The following ZNF385B variants were observed in gnomAD, a reference collection of about 807,000 sequenced individuals.
ZNF385B encodes the protein zinc finger protein 385B.
A neutral mutation model predicts 39.2 loss-of-function variants in ZNF385B; 23 were observed. That is an observed-to-expected ratio of 0.59 (90% CI 0.42 to 0.83). ZNF385B has a LOEUF of 0.83. ZNF385B is among the 40% of genes least tolerant of loss of function. The probability of loss-of-function intolerance (pLI) is 0.00; values close to 1 mark genes in which losing one functional copy is unlikely to be tolerated. For missense variants in ZNF385B, 552 were observed against 598.9 expected, an observed-to-expected ratio of 0.92 and a Z score of 0.82; for synonymous variants, 205 against 222.6, an observed-to-expected ratio of 0.92 and a Z score of 0.70.
At chr2:179,611,022 C>G (rs34528783) in intron 3 of ZNF385B, among the ~76,000 whole-genome samples, 1 of 151,910 alleles carries the variant, frequency 6.6e-6, no homozygotes, top group Admixed American at 6.6e-5. Context: ...CCAATTTAGA[C>G]GCCCTTTCTT....
At chr2:179,594,575 C>T (rs990455435) in intron 3 of ZNF385B, among the ~76,000 whole-genome samples, 7 of 152,162 alleles carry the variant, frequency 4.6e-5, no homozygotes, top group African/African-American at 1.4e-4. Flanking sequence ...GCAAATGGCA[C>T]TTGGCCTAAG....
At chr2:179,700,724 T>C (rs1480199607) in intron 3 of ZNF385B, among the ~76,000 whole-genome samples, 1 of 152,156 alleles carries the variant, frequency 6.6e-6, no homozygotes, top group East Asian at 1.9e-4. Flanking sequence ...ATAAAGCTCA[T>C]TGGTATTGGC....
At chr2:179,582,434 T>C (rs561920241) in intron 3 of ZNF385B, among the ~76,000 whole-genome samples, 4 of 152,320 alleles carry the variant, frequency 2.6e-5, no homozygotes, top group African/African-American at 9.6e-5. Context: ...GGAGAGCTGC[T>C]AGTCAGGATG....
chr2:179,494,780 T>C (rs910838407), intron 5 of ZNF385B, among the ~76,000 whole-genome samples: 1 of 152,184 alleles, frequency 6.6e-6, no homozygotes, highest in Non-Finnish European at 1.5e-5. Context: ...TGTGTATTTT[T>C]TCTTTCTTTT....
chr2:179,766,030 TCA>T (rs71029829), intron 3 of ZNF385B, among the ~76,000 whole-genome samples: 15,871 of 140,800 alleles, frequency 0.11, 894 homozygotes, highest in Non-Finnish European at 0.14. Flanking sequence ...GGTACATTGA[TCA>T]CACACACACA....
chr2:179,676,414 T>C (rs528625161), intron 3 of ZNF385B, among the ~76,000 whole-genome samples: 85 of 151,010 alleles, frequency 5.6e-4, no homozygotes, highest in Admixed American at 1.3e-3. Flanking sequence ...TTAGTAGAGA[T>C]GGGGTTTCAC....
rs955118770 is a variant in ZNF385B, at chr2:179,670,476, C to G, written c.298+99027G>C. 3.5e-5 allele frequency among the ~76,000 whole-genome samples: 3 copies of G among 85,152 alleles called. No homozygotes were observed. In the East Asian group the frequency reaches 9.7e-4, roughly 27 times the overall value. 55.9% of individuals were successfully genotyped at this position (85,152 alleles called of 152,430 possible). The stretch of plus-strand genomic sequence containing the variant: ...CTCAAGAGCATGGATAGCAGTAGAA[C>G]GTAAAAACAAAAACAAACAAAAAAA... On this transcript the variant is annotated intron_variant, in intron 3 of 9. Transcript: ENST00000410066.
In ZNF385B at chr2:179,549,101, A is replaced by G. The variant is rs559886334; in HGVS notation, c.299-4132T>C. On this transcript the variant is annotated intron_variant, in intron 3 of 9. Transcript: ENST00000410066. ...TTGTGACTCACTTCTTTCATCTGAC[A>G]TAATGTTTTTGAGGTTTATCTATGT... is the stretch of plus-strand genomic sequence containing the variant. Among the ~76,000 whole-genome samples, 123 of 149,418 alleles carry G rather than the reference A, an allele frequency of 8.2e-4. 3 individuals are homozygous for G. The highest frequency in any genetic ancestry group is 1.6e-3 in the Non-Finnish European group (106 of 67,620).
intron 3 of ZNF385B, among the ~76,000 whole-genome samples, chr2:179,707,520 T>C (rs1251366072): frequency 6.6e-6 from 1 of 152,188 alleles, no homozygotes; most frequent in Non-Finnish European, 1.5e-5. Context: ...TGAAGCATGC[T>C]ATCTATGCTG....
At chr2:179,729,627 A>G (rs1312288002) in intron 3 of ZNF385B, among the ~76,000 whole-genome samples, 2 of 152,194 alleles carry the variant, frequency 1.3e-5, no homozygotes, top group Non-Finnish European at 2.9e-5. Flanking sequence ...TCACATTACT[A>G]TTAGTTTTCA....
intron 4 of ZNF385B, among the ~76,000 whole-genome samples, chr2:179,518,871 C>A (rs556900029): frequency 6.6e-6 from 1 of 152,072 alleles, no homozygotes; most frequent in African/African-American, 2.4e-5. Context: ...GAAAAAACCA[C>A]GAGAGAATCA....
intron 1 of ZNF385B, among the ~76,000 whole-genome samples, chr2:179,818,301 T>C (rs1362477327): frequency 1.3e-5 from 2 of 152,202 alleles, no homozygotes; most frequent in Non-Finnish European, 2.9e-5. Context: ...CAGTAGAAAT[T>C]AGGTGTGAAA....
At chr2:179,518,453 G>T in intron 5 of ZNF385B, 75 bp downstream of exon 5, 1 of 1,051,196 alleles carries the variant, frequency 9.5e-7, no homozygotes, top group Non-Finnish European at 1.4e-6. Flanking sequence ...TAAATATGAA[G>T]AAATGTACGT....
At chr2:179,637,575 C>G (rs1691873957) in intron 3 of ZNF385B, among the ~76,000 whole-genome samples, 1 of 152,170 alleles carries the variant, frequency 6.6e-6, no homozygotes, top group African/African-American at 2.4e-5. Context: ...ATCATCACCA[C>G]TGAAATCACA....
chr2:179,641,877 G>A (rs1019274363), intron 3 of ZNF385B, among the ~76,000 whole-genome samples: 1 of 152,104 alleles, frequency 6.6e-6, no homozygotes, highest in Non-Finnish European at 1.5e-5. Flanking sequence ...TTTCGATGAA[G>A]GTGGGAAGAA....
chr2:179,706,387 A>G (rs765362919), intron 3 of ZNF385B, among the ~76,000 whole-genome samples: 1 of 152,206 alleles, frequency 6.6e-6, no homozygotes, highest in African/African-American at 2.4e-5. Flanking sequence ...CCTCTTGACC[A>G]TGGTGCCATC....
chr2:179,835,860 G>A (rs1708220813), intron 1 of ZNF385B, among the ~76,000 whole-genome samples: 1 of 152,022 alleles, frequency 6.6e-6, no homozygotes, highest in African/African-American at 2.4e-5. Context: ...AGAGCACCTT[G>A]TTTAAAGTTG....
At position 179,493,751 on chromosome 2, in the gene ZNF385B, A is replaced by ATATGTATATACG. The variant is rs1168879299; in HGVS notation, c.553-10318_553-10317insCGTATATACATA. 2.1e-5 allele frequency among the ~76,000 whole-genome samples: 3 copies of ATATGTATATACG among 139,944 alleles called. No individual in the cohort carries two copies. In the South Asian group the frequency reaches 6.7e-4, roughly 31 times the overall value. 91.8% of individuals were successfully genotyped at this position (139,944 alleles called of 152,430 possible). A position where few individuals can be genotyped will look rare whatever the true frequency, so the allele number is the denominator to read the frequency against. On this transcript the variant is annotated intron_variant, in intron 5 of 9. Transcript: ENST00000410066. ...TATACATATATGTATACATATGTGTATATACATATATGTATACATATATGT... is the reference window on the plus strand; with the variant it reads ...TATACATATATGTATACATATGTGTATATGTATATACGTATACATATATGTATACATATATGT...
chr2:179,540,382 G>C (rs1488938294), intron 4 of ZNF385B, among the ~76,000 whole-genome samples: 1 of 152,086 alleles, frequency 6.6e-6, no homozygotes, highest in African/African-American at 2.4e-5. Flanking sequence ...GGAGGCAGAG[G>C]TTGCGGTGAG....
Sources: gnomAD v4.1 joint callset for allele counts (sites outside exome capture counted in the v4.1 genomes callset) on GRCh38, gnomAD v4.1.1 for gene constraint, MANE v1.5 for transcripts, NCBI Gene and HGNC (gene_info 2026-07-23, HGNC 2026-07-21) for gene names.